The following REV3L variants were observed in gnomAD, a reference collection of about 807,000 sequenced individuals.
REV3L encodes the protein DNA polymerase zeta catalytic subunit.
In REV3L, 69 loss-of-function variants were observed where a neutral mutation model predicts 299.4. The observed-to-expected ratio is 0.23, with a 90% CI of 0.19 to 0.28. The LOEUF (loss-of-function observed/expected upper bound fraction) is 0.28, where lower values mean the gene tolerates loss of function less well. REV3L is among the 10% of genes least tolerant of loss of function. The pLI is 1.00. For missense variants in REV3L, 3,128 were observed against 3,693.8 expected (o/e 0.85, Z 3.97); for synonymous variants, 1,238 against 1,271.4 (o/e 0.97, Z 0.56).
intron 1 of REV3L, among the ~76,000 whole-genome samples, chr6:111,452,051 G>T (rs1035601752): frequency 6.6e-6 from 1 of 151,658 alleles, no homozygotes; most frequent in Non-Finnish European, 1.5e-5. Flanking sequence ...TTGTAAAAAA[G>T]ATTTGGATAC....
chr6:111,437,424 CTGA>C (rs1787684192), intron 1 of REV3L, among the ~76,000 whole-genome samples: 1 of 151,570 alleles, frequency 6.6e-6, no homozygotes, highest in Non-Finnish European at 1.5e-5. Flanking sequence ...GAATGAAGTG[CTGA>C]TAAATGCTAT....
In REV3L at chr6:111,329,105, G is replaced by A. The variant is rs553060523; in HGVS notation, c.8241+427C>T. On this transcript the variant is annotated intron_variant, in intron 25 of 31. Transcript: ENST00000368802. ...GTCGCCCAGGCTGGAGTGCAATGGC[G>A]CGATCTTGGCTCACTGCAACCTCTG... 3.3e-5 allele frequency among the ~76,000 whole-genome samples: 5 copies of A among 151,742 alleles called. 1 individual carries two copies. The highest frequency in any genetic ancestry group is 2.1e-4 in the South Asian group (1 of 4,808).
intron 21 of REV3L, among the ~76,000 whole-genome samples, chr6:111,343,368 G>C (rs1776714709): frequency 6.6e-6 from 1 of 152,098 alleles, no homozygotes; most frequent in Admixed American, 6.5e-5. Flanking sequence ...TACAGTAATA[G>C]AAATCCAATT....
intron 1 of REV3L, among the ~76,000 whole-genome samples, chr6:111,422,148 G>A (rs1582926532): frequency 1.3e-5 from 2 of 152,018 alleles, no homozygotes; most frequent in Non-Finnish European, 2.9e-5. Context: ...TAACAATAGT[G>A]AAAAAAATGA....
intron 4 of REV3L, among the ~76,000 whole-genome samples, chr6:111,395,984 T>A (rs1355209231): frequency 6.6e-6 from 1 of 152,176 alleles, no homozygotes; most frequent in African/African-American, 2.4e-5. Flanking sequence ...ATGTGATGTA[T>A]CACATTTATT....
chr6:111,394,518 T>C (rs1240105136), intron 4 of REV3L, among the ~76,000 whole-genome samples: 1 of 152,168 alleles, frequency 6.6e-6, no homozygotes, highest in African/African-American at 2.4e-5. Context: ...TTAGTCTCAT[T>C]TCATGAATAG....
At chr6:111,405,919 C>A (rs1034645059) in intron 3 of REV3L, among the ~76,000 whole-genome samples, 21 of 151,934 alleles carry the variant, frequency 1.4e-4, no homozygotes, top group Non-Finnish European at 2.8e-4. Context: ...TAAAATTTTT[C>A]TTTTAAAAAT....
In REV3L at chr6:111,377,799, T is replaced by G. The variant is rs1780459641; in HGVS notation, c.1499A>C (p.Asp500Ala). Reference sequence around the variant, plus strand: ...TTCCATTTCTTCTCCTGAAGATGAGTCATCATCTTCAGTTGAACTTCTGTG... The same window carrying G: ...TTCCATTTCTTCTCCTGAAGATGAGGCATCATCTTCAGTTGAACTTCTGTG... ...NTHRSSTEDD[D>A]SSSGEEMEWS... Residue 500 changes from aspartate (D) to alanine (A), a missense_variant, in exon 12 of 32, where the codon GAC becomes GCC. Coordinates refer to ENST00000368802, the MANE Select transcript of REV3L (RefSeq NM_001372078.1). The G allele has an allele frequency of 6.2e-7, 1 of 1,609,608 alleles. No homozygotes were observed. The highest frequency in any genetic ancestry group is 8.5e-7 in the Non-Finnish European group (1 of 1,176,232).
chr6:111,308,229 A>G, intron 30 of REV3L: 1 of 452,856 alleles, frequency 2.2e-6, no homozygotes, highest in Non-Finnish European at 4.4e-6. Flanking sequence ...TATTGTGAAT[A>G]GTGCCGCAAT....
At chr6:111,332,164 C>T (rs1292910828) in intron 23 of REV3L, among the ~76,000 whole-genome samples, 17 of 152,168 alleles carry the variant, frequency 1.1e-4, no homozygotes, top group South Asian at 4.1e-4. Context: ...CTCCGCCTCC[C>T]GGGTTCATGC....
intron 1 of REV3L, among the ~76,000 whole-genome samples, chr6:111,465,745 C>CAA (rs376561912): frequency 0.29 from 22,009 of 76,686 alleles, 4,103 homozygotes; most frequent in African/African-American, 0.61. Flanking sequence ...AAACAAAAAC[C>CAA]AAAAAAAAAA....
intron 1 of REV3L, among the ~76,000 whole-genome samples, chr6:111,454,774 C>T (rs1196977756): frequency 6.6e-6 from 1 of 152,174 alleles, no homozygotes; most frequent in Admixed American, 6.5e-5. Flanking sequence ...TCAAGCGATT[C>T]TCCTGCCTCA....
intron 4 of REV3L, 136 bp downstream of exon 4, chr6:111,405,334 T>C (rs56219689): frequency 1.7e-6 from 1 of 590,624 alleles, no homozygotes; most frequent in Non-Finnish European, 2.6e-6. Context: ...CCACTTTGCA[T>C]GTATTTCTTT....
rs752852448 is a variant in REV3L, at chr6:111,376,497, C to T, written c.1858G>A (p.Glu620Lys). ...GGGTATTTCATAGAATAAGTGCTTTCGTTTGTAAAAGAAGTGACTGAGTTA... is the reference window on the plus strand; with the variant it reads ...GGGTATTTCATAGAATAAGTGCTTTTGTTTGTAAAAGAAGTGACTGAGTTA... ...LDNSVTSFTN[E>K]STYSMKYPGS... The change falls in exon 13 of 32, where the codon GAA (glutamate) becomes AAA (lysine). Residue 620 changes from glutamate to lysine, a missense_variant. Around this residue, in one of 9 missense-constraint regions of REV3L, gnomAD observed 2,409 missense variants for 2,611.8 expected, o/e 0.92. Transcript: ENST00000368802. The T allele has an allele frequency of 2.7e-5, 43 of 1,613,034 alleles. No homozygotes were observed. The highest frequency in any genetic ancestry group is 3.3e-5 in the Non-Finnish European group (39 of 1,179,752).
intron 16 of REV3L, among the ~76,000 whole-genome samples, chr6:111,362,406 A>G (rs1223860204): frequency 6.6e-6 from 1 of 152,204 alleles, no homozygotes; most frequent in African/African-American, 2.4e-5. Context: ...AAAAAACCAC[A>G]CTTAAAAATT....
chr6:111,438,170 C>T (rs1420019339), intron 1 of REV3L, among the ~76,000 whole-genome samples: 1 of 152,054 alleles, frequency 6.6e-6, no homozygotes, highest in East Asian at 1.9e-4. Context: ...AGCCACCTCA[C>T]CTGGCCTATT....
intron 31 of REV3L, among the ~76,000 whole-genome samples, chr6:111,300,640 A>ATACT (rs1554267756): frequency 2.0e-5 from 3 of 152,222 alleles, no homozygotes; most frequent in Non-Finnish European, 4.4e-5. Context: ...CCCCAAATTA[A>ATACT]TACTTTCATA....
intron 13 of REV3L, among the ~76,000 whole-genome samples, chr6:111,369,633 T>C (rs1325981843): frequency 1.3e-5 from 2 of 152,138 alleles, no homozygotes; most frequent in Non-Finnish European, 2.9e-5. Context: ...GTTTACAATA[T>C]AATGTTAAGT....
chr6:111,369,721 T>C (rs1779587683), intron 13 of REV3L, among the ~76,000 whole-genome samples: 1 of 152,248 alleles, frequency 6.6e-6, no homozygotes, highest in Admixed American at 6.5e-5. Context: ...CTATACTTTT[T>C]AAAAAAGAAA....
Sources: gnomAD v4.1 joint callset for allele counts (sites outside exome capture counted in the v4.1 genomes callset) on GRCh38, gnomAD v4.1.1 for gene constraint, gnomAD v4.1.1 regional missense constraint, MANE v1.5 for transcripts, NCBI Gene and HGNC (gene_info 2026-07-23, HGNC 2026-07-21) for gene names.